The following LRRC53 variants were observed in gnomAD, a reference collection of about 807,000 sequenced individuals.
LRRC53 encodes leucine-rich repeat-containing protein 53.
A neutral mutation model predicts 13.6 loss-of-function variants in LRRC53; 25 were observed. The observed-to-expected ratio is 1.83, with a 90% CI of 1.34 to 2.56. LRRC53 has a LOEUF of 2.56. LRRC53 is among the 30% of genes most tolerant of loss of function. The pLI is 0.00. For missense variants in LRRC53, 527 were observed against 275.8 expected (o/e 1.91, Z -6.45); for synonymous variants, 204 against 109.8 (o/e 1.86, Z -5.37).
In LRRC53 at chr1:74,471,430, G is replaced by C. The variant is rs1667927519; in HGVS notation, c.2192C>G (p.Pro731Arg). 2.5e-6 allele frequency: 1 copy of C among 400,542 alleles called. No individual in the cohort carries two copies. Among genetic ancestry groups the C allele is most frequent in the Non-Finnish European group, 4.4e-6 (1 of 226,160 alleles). 24.8% of individuals were successfully genotyped at this position (400,542 alleles called of 1,614,324 possible). A position where few individuals can be genotyped will look rare whatever the true frequency, so the allele number is the denominator to read the frequency against. The change falls in exon 5 of 5, where the codon CCA (proline) becomes CGA (arginine). Residue 731 changes from proline to arginine, a missense_variant. Pro to Arg is a moderately radical substitution (Grantham distance 103). Transcript: ENST00000294635. ...TGGGAGACTTGACAAGGATTTTTCT[G>C]GATGGACTCTGACTTTTCTAAAAGG... ...LHPFRKVRVH[P>R]EKSLSSLPKQ...
chr1:74,489,483 T>G (rs1668939316), intron 1 of LRRC53, among the ~76,000 whole-genome samples: 2 of 152,178 alleles, frequency 1.3e-5, no homozygotes, highest in Admixed American at 1.3e-4. Context: ...GGCAGGCAAA[T>G]GGACACAGTC....
Position 74,475,613 on chromosome 1 carries a change from A to G in LRRC53, c.1102T>C (p.Ser368Pro). ...LTQENEIKVM[S>P]TVGSRKEMPL... ...ATTTCTTTTCTGGACCCCACAGTGG[A>G]CATGACCTTTATCTCGTTTTCCTGA... The change falls in exon 4 of 5, where the codon TCC becomes CCC. Residue 368 changes from serine to proline, a missense_variant. Transcript: ENST00000294635. The G allele has an allele frequency of 1.4e-6, 1 of 717,226 alleles. No individual in the cohort carries two copies. Among genetic ancestry groups the G allele is most frequent in the Non-Finnish European group, 2.6e-6 (1 of 384,914 alleles). The allele number at this position is 717,226 out of a possible 1,614,324, so 44.4% of individuals were successfully genotyped here.
the LRRC53 span, among the ~76,000 whole-genome samples, chr1:74,533,571 C>A: frequency 6.6e-6 from 1 of 152,094 alleles, no homozygotes; most frequent in East Asian, 1.9e-4. Flanking sequence ...GGTATATACC[C>A]AAAGGACTAT....
At position 74,471,888 on chromosome 1, in the gene LRRC53, G is replaced by A. The variant is rs139454304; in HGVS notation, c.1734C>T (p.Pro578=). 1 of 482,224 alleles carries A rather than the reference G, an allele frequency of 2.1e-6. No homozygotes were observed. The highest frequency in any genetic ancestry group is 2.0e-5 in the African/African-American group (1 of 50,434). The allele number at this position is 482,224 out of a possible 1,614,324, so 29.9% of individuals were successfully genotyped here. The change falls in exon 5 of 5, where the codon CCC becomes CCT. Residue 578 remains proline, a synonymous_variant. Coordinates refer to ENST00000294635, the MANE Select transcript of LRRC53 (RefSeq NM_001382280.1). The part of the protein sequence containing the change: ...PNNSLICKYV[P]CEQFEDYMKE... ...TCATGTAATCTTCAAATTGCTCACA[G>A]GGCACATATTTACAGATAAGAGAAT...
At position 74,483,486 on chromosome 1, in the gene LRRC53, A is replaced by G. The variant is rs751687751; in HGVS notation, c.-26-111T>C. On this transcript the variant is annotated intron_variant, in intron 1 of 4. Transcript: ENST00000294635. ...TGGTAATTTCTACTGTTCAATGAGC[A>G]TCTTGGTGTTCTCTTAAGATGCCAG... The G allele has an allele frequency of 8.9e-5, 49 of 552,890 alleles. 1 individual carries two copies. Among genetic ancestry groups the G allele is most frequent in the Non-Finnish European group, 1.5e-4 (45 of 302,466 alleles). The allele number at this position is 552,890 out of a possible 1,614,324, so 34.2% of individuals were successfully genotyped here.
upstream of LRRC53, chr1:74,512,690 C>G (rs1177461888): frequency 6.6e-6 from 1 of 152,236 alleles, no homozygotes. Context: ...TCCTTTAGTG[C>G]CTGGAATAAC....
intron 1 of LRRC53, among the ~76,000 whole-genome samples, chr1:74,503,830 G>A (rs187250339): frequency 9.9e-4 from 151 of 152,304 alleles, no homozygotes; most frequent in African/African-American, 3.4e-3. Flanking sequence ...ATCTCCTAAT[G>A]TTGTGGTGGT....
chr1:74,480,568 AT>A lies in LRRC53; in HGVS notation c.488del (p.Asp163ValfsTer31). 1 of 717,364 alleles carries A rather than the reference AT, an allele frequency of 1.4e-6. No homozygotes were observed. The highest frequency in any genetic ancestry group is 2.6e-6 in the Non-Finnish European group (1 of 385,092). 44.4% of individuals were successfully genotyped at this position (717,364 alleles called of 1,614,324 possible). ...GTNLHSLRYLDLSNNFISYIG... is the reference protein window; with the variant it reads ...GTNLHSLRYLXLSNNFISYIG... The stretch of plus-strand genomic sequence containing the variant: ...TGTAGGAAATAAAATTGTTGGATAA[AT>A]CCAGATACCTGAGACTGTGGAGATT... On this transcript the variant is annotated frameshift_variant, in exon 3 of 5. Transcript: ENST00000294635. LOFTEE classifies it high-confidence loss of function.
chr1:74,495,082 G>C (rs1443778047), intron 1 of LRRC53, among the ~76,000 whole-genome samples: 2 of 152,144 alleles, frequency 1.3e-5, no homozygotes, highest in East Asian at 3.9e-4. Flanking sequence ...TTTTTGAGAT[G>C]CTCCTTTTGA....
the LRRC53 span, among the ~76,000 whole-genome samples, chr1:74,534,253 G>T: frequency 1.3e-5 from 2 of 151,948 alleles, no homozygotes; most frequent in African/African-American, 4.8e-5. Context: ...AATAGTATAC[G>T]TCTGTTATAA....
intron 1 of LRRC53, among the ~76,000 whole-genome samples, chr1:74,502,683 T>G (rs1182530825): frequency 6.6e-6 from 1 of 152,234 alleles, no homozygotes; most frequent in Non-Finnish European, 1.5e-5. Context: ...CAATAGCCTT[T>G]GATTGGAGGG....
chr1:74,507,241 T>C (rs45579538), intron 1 of LRRC53, among the ~76,000 whole-genome samples: 1 of 138,378 alleles, frequency 7.2e-6, no homozygotes, highest in Non-Finnish European at 1.6e-5. Flanking sequence ...CCCATCTTTT[T>C]AACACAAAAA....
intron 1 of LRRC53, among the ~76,000 whole-genome samples, chr1:74,498,727 TC>T (rs1164576286): frequency 2.0e-5 from 3 of 151,936 alleles, no homozygotes; most frequent in African/African-American, 7.3e-5. Flanking sequence ...TTTCCAGTCT[TC>T]CCCCCGACTA....
chr1:74,504,802 T>A (rs1289320878), intron 1 of LRRC53, among the ~76,000 whole-genome samples: 2 of 152,116 alleles, frequency 1.3e-5, no homozygotes, highest in Non-Finnish European at 2.9e-5. Context: ...TTCTTTTCTA[T>A]CCGTCAGCAG....
intron 4 of LRRC53, among the ~76,000 whole-genome samples, chr1:74,474,801 G>C (rs956213251): frequency 2.4e-4 from 37 of 152,108 alleles, no homozygotes; most frequent in African/African-American, 8.9e-4. Flanking sequence ...TATCATCCCT[G>C]ACAGCTCAGC....
chr1:74,537,058 G>A, the LRRC53 span, among the ~76,000 whole-genome samples: 2 of 152,168 alleles, frequency 1.3e-5, no homozygotes, highest in Non-Finnish European at 2.9e-5. Flanking sequence ...AGCATCTGGA[G>A]CCAGCCTATG....
chr1:74,475,308 T>C lies in LRRC53; in HGVS notation c.1407A>G (p.Ile469Met), dbSNP rs1668140315. 3.0e-6 allele frequency: 2 copies of C among 669,912 alleles called. No individual in the cohort carries two copies. The highest frequency in any genetic ancestry group is 5.5e-6 in the Non-Finnish European group (2 of 365,166). 41.5% of individuals were successfully genotyped at this position (669,912 alleles called of 1,614,324 possible). ...AGACAAACTCACCTTCTGTTCTTAT[T>C]ATATGGTGTTGCAGAGTTTGAGGCT... ...EVQPQTLQHH[I>M]IRTEDISSDI... The change falls in exon 4 of 5, where the codon ATA (isoleucine) becomes ATG (methionine). Residue 469 changes from isoleucine to methionine, a missense_variant. Physicochemically the swap from Ile to Met is conservative, Grantham distance 10. Coordinates refer to ENST00000294635, the MANE Select transcript of LRRC53 (RefSeq NM_001382280.1).
At chr1:74,533,552 CT>C in the LRRC53 span, among the ~76,000 whole-genome samples, 32 of 152,180 alleles carry the variant, frequency 2.1e-4, no homozygotes, top group African/African-American at 6.8e-4. Flanking sequence ...CCCAGCCATC[CT>C]ATTACTGGGT....
chr1:74,528,130 G>GT, the LRRC53 span, among the ~76,000 whole-genome samples: 138 of 152,300 alleles, frequency 9.1e-4, no homozygotes, highest in Non-Finnish European at 1.6e-3. Flanking sequence ...CCCAAGAATG[G>GT]TAAGCAGGAC....
Sources: gnomAD v4.1 joint callset for allele counts (sites outside exome capture counted in the v4.1 genomes callset) on GRCh38, gnomAD v4.1.1 for gene constraint, MANE v1.5 for transcripts, NCBI Gene and HGNC (gene_info 2026-07-23, HGNC 2026-07-21) for gene names.